The following PAK5 variants were observed in gnomAD, a reference collection of about 807,000 sequenced individuals.
The protein encoded by PAK5 is p21 (RAC1) activated kinase 5, also known as serine/threonine-protein kinase PAK 5.
A neutral mutation model predicts 65.9 loss-of-function variants in PAK5; 16 were observed. That is an observed-to-expected ratio of 0.24 (90% CI 0.16 to 0.37). PAK5 has a LOEUF of 0.37. Ranked by LOEUF, PAK5 falls within the 10% of genes least tolerant of loss-of-function variation. PAK5 has a pLI of 1.00. For missense variants in PAK5, 785 were observed against 903.9 expected (o/e 0.87, Z 1.69); for synonymous variants, 371 against 354.9 (o/e 1.05, Z -0.51).
At chr20:9,651,710 GA>G (rs1354408918) in intron 2 of PAK5, among the ~76,000 whole-genome samples, 2 of 152,140 alleles carry the variant, frequency 1.3e-5, no homozygotes, top group African/African-American at 4.8e-5. Flanking sequence ...TGCCTGGGAG[GA>G]AGTAGTTGGC....
intron 2 of PAK5, among the ~76,000 whole-genome samples, chr20:9,690,818 A>C (rs2047786542): frequency 7.0e-6 from 1 of 143,092 alleles, no homozygotes; most frequent in Non-Finnish European, 1.5e-5. Context: ...GCAATGGCGC[A>C]ATTAGGCTCA....
At chr20:9,756,678 C>A (rs1239411088) in intron 1 of PAK5, among the ~76,000 whole-genome samples, 3 of 152,092 alleles carry the variant, frequency 2.0e-5, no homozygotes, top group Non-Finnish European at 4.4e-5. Context: ...AAATTAATTT[C>A]TCTTGTGTCT....
intron 1 of PAK5, among the ~76,000 whole-genome samples, chr20:9,769,690 A>G: frequency 6.6e-6 from 1 of 152,214 alleles, no homozygotes; most frequent in East Asian, 1.9e-4. Flanking sequence ...GCTAGAGAGC[A>G]CATCTAAGGT....
At chr20:9,682,480 G>A (rs1320638726) in intron 2 of PAK5, among the ~76,000 whole-genome samples, 5 of 152,220 alleles carry the variant, frequency 3.3e-5, no homozygotes, top group South Asian at 2.1e-4. Context: ...CTCTCAAGGC[G>A]TTTCCTCACT....
chr20:9,638,454 C>A (rs911540919), intron 3 of PAK5, among the ~76,000 whole-genome samples: 2 of 152,136 alleles, frequency 1.3e-5, no homozygotes, highest in Non-Finnish European at 2.9e-5. Context: ...TTTGGAAATC[C>A]CGGCTGGTGT....
chr20:9,778,494 TC>T (rs1201607343), intron 1 of PAK5, among the ~76,000 whole-genome samples: 1 of 152,182 alleles, frequency 6.6e-6, no homozygotes, highest in Non-Finnish European at 1.5e-5. Flanking sequence ...TACATTGGCC[TC>T]CCAAAGGACT....
intron 1 of PAK5, among the ~76,000 whole-genome samples, chr20:9,823,513 T>A (rs939795182): frequency 2.0e-5 from 3 of 152,164 alleles, no homozygotes; most frequent in Non-Finnish European, 4.4e-5. Context: ...CTCACAGATC[T>A]GATGGTTTTA....
intron 7 of PAK5, among the ~76,000 whole-genome samples, chr20:9,547,727 G>A (rs1005290576): frequency 1.3e-5 from 2 of 152,160 alleles, no homozygotes; most frequent in African/African-American, 2.4e-5. Flanking sequence ...TGGGATCCAA[G>A]GTCTTGTTAC....
intron 1 of PAK5, among the ~76,000 whole-genome samples, chr20:9,738,948 A>G (rs537482497): frequency 4.2e-4 from 64 of 152,238 alleles, no homozygotes; most frequent in African/African-American, 1.5e-3. Context: ...CGTGAGGCTA[A>G]TGGCTACTGT....
chr20:9,544,511 T>C lies in PAK5; in HGVS notation c.1744-17A>G. On this transcript the variant is annotated splice_polypyrimidine_tract_variant and intron_variant, in intron 7 of 9. Transcript: ENST00000353224. ...CAACTTTATCTGAAAAGGAAAGGAA[T>C]GCAACAAACTAGCAATTTTAAAACA... 1 of 1,612,268 alleles carries C rather than the reference T, an allele frequency of 6.2e-7. No homozygotes were observed. Among genetic ancestry groups the C allele is most frequent in the Non-Finnish European group, 8.5e-7 (1 of 1,178,324 alleles).
intron 2 of PAK5, among the ~76,000 whole-genome samples, chr20:9,659,304 G>A (rs1600209444): frequency 6.6e-6 from 1 of 152,172 alleles, no homozygotes; most frequent in East Asian, 1.9e-4. Flanking sequence ...AGAACCTTAT[G>A]TAACCTTAAT....
intron 7 of PAK5, among the ~76,000 whole-genome samples, chr20:9,553,191 C>T (rs1438462618): frequency 6.6e-6 from 1 of 152,082 alleles, no homozygotes; most frequent in Non-Finnish European, 1.5e-5. Flanking sequence ...TACAAATGAA[C>T]TCATTGTGTG....
At chr20:9,775,039 G>A (rs954966341) in intron 1 of PAK5, among the ~76,000 whole-genome samples, 10 of 152,140 alleles carry the variant, frequency 6.6e-5, no homozygotes, top group African/African-American at 2.4e-4. Context: ...ACAGCAGTAT[G>A]TACTTTCTAG....
intron 3 of PAK5, among the ~76,000 whole-genome samples, chr20:9,609,137 A>G (rs2046510830): frequency 1.8e-5 from 1 of 54,268 alleles, no homozygotes; most frequent in Non-Finnish European, 4.8e-5. Context: ...CAACCACATG[A>G]TGCTGGGTGG....
Position 9,645,710 on chromosome 20 carries a change from G to A in PAK5, c.-11-1371C>T, listed in dbSNP as rs566142553. On this transcript the variant is annotated intron_variant, in intron 2 of 9. Transcript: ENST00000353224. Reference sequence around the variant, plus strand: ...CACCATTCTCCTGCCTCAGCCTCCCGAGTAGCTGGGACTACAGGTGCCCTC... The same window carrying A: ...CACCATTCTCCTGCCTCAGCCTCCCAAGTAGCTGGGACTACAGGTGCCCTC... Among the ~76,000 whole-genome samples, 505 of 151,962 alleles carry A rather than the reference G, an allele frequency of 3.3e-3. 2 individuals carry two copies. The highest frequency in any genetic ancestry group is 5.6e-3 in the Non-Finnish European group (383 of 67,984).
At chr20:9,601,234 T>G (rs903266291) in intron 3 of PAK5, among the ~76,000 whole-genome samples, 1 of 152,174 alleles carries the variant, frequency 6.6e-6, no homozygotes, top group Non-Finnish European at 1.5e-5. Flanking sequence ...CTTAATTTCA[T>G]GTGTAAGCAT....
rs568223117 is a variant in PAK5 at position 9,799,463 on chromosome 20, A to G, written c.-162+39299T>C. Among the ~76,000 whole-genome samples the G allele has an allele frequency of 2.0e-5, 3 of 152,270 alleles. No individual in the cohort carries two copies. The South Asian group carries it at 6.2e-4, about 32-fold the overall frequency. ...AGAAGAGTTTTAACTGGAACATGCAACAAGTCTATGGTATGATTATAGCTC... is the reference window on the plus strand; with the variant it reads ...AGAAGAGTTTTAACTGGAACATGCAGCAAGTCTATGGTATGATTATAGCTC... On this transcript the variant is annotated intron_variant, in intron 1 of 9. Transcript: ENST00000353224.
At chr20:9,771,782 T>C (rs540778851) in intron 1 of PAK5, among the ~76,000 whole-genome samples, 1 of 152,122 alleles carries the variant, frequency 6.6e-6, no homozygotes, top group African/African-American at 2.4e-5. Context: ...CTCATGCCTG[T>C]AATATCAACA....
intron 2 of PAK5, among the ~76,000 whole-genome samples, chr20:9,708,596 T>C (rs1363360037): frequency 2.6e-5 from 4 of 152,112 alleles, no homozygotes; most frequent in African/African-American, 7.2e-5. Flanking sequence ...CCTCATCTCA[T>C]TGGCAGTTAT....
Sources: gnomAD v4.1 joint callset for allele counts (sites outside exome capture counted in the v4.1 genomes callset) on GRCh38, gnomAD v4.1.1 for gene constraint, MANE v1.5 for transcripts, NCBI Gene and HGNC (gene_info 2026-07-23, HGNC 2026-07-21) for gene names.